CPNE4: variants seen among roughly 807,000 people sequenced by gnomAD.
The protein encoded by CPNE4 is copine-4.
Under a neutral mutation model 67.9 loss-of-function variants are expected in CPNE4, and 25 were observed. The observed-to-expected ratio is 0.37, with a 90% CI of 0.27 to 0.51. The LOEUF is 0.51. Among genes scored for constraint, CPNE4 ranks in the 20% least tolerant of loss-of-function variants. CPNE4 has a pLI of 0.93. For missense variants in CPNE4, 464 were observed against 690.8 expected (o/e 0.67, Z 3.68); for synonymous variants, 242 against 244.9 (o/e 0.99, Z 0.11).
intron 1 of CPNE4, among the ~76,000 whole-genome samples, chr3:131,948,157 C>T (rs1367464562): frequency 1.3e-5 from 2 of 152,000 alleles, no homozygotes; most frequent in African/African-American, 4.8e-5. Flanking sequence ...TATGATTTGG[C>T]TCTGTGTCCC....
chr3:131,679,765 G>T (rs9866585), intron 6 of CPNE4, among the ~76,000 whole-genome samples: 136,604 of 152,192 alleles, frequency 0.9, 61,436 homozygotes, highest in East Asian at 0.97. Flanking sequence ...TCTTGAGTTC[G>T]GATTTGATTG....
intron 5 of CPNE4, among the ~76,000 whole-genome samples, chr3:131,687,386 G>A (rs2080918372): frequency 6.6e-6 from 1 of 152,164 alleles, no homozygotes; most frequent in African/African-American, 2.4e-5. Context: ...TTTATTGAAT[G>A]AATGAATAAA....
chr3:131,708,357 G>A (rs1237189266), intron 3 of CPNE4, among the ~76,000 whole-genome samples: 1 of 152,198 alleles, frequency 6.6e-6, no homozygotes. Flanking sequence ...GGGCTGCTGA[G>A]TTTGAGATGT....
chr3:131,633,128 C>G (rs1484745659), intron 7 of CPNE4, among the ~76,000 whole-genome samples: 1 of 152,208 alleles, frequency 6.6e-6, no homozygotes, highest in Admixed American at 6.5e-5. Flanking sequence ...CACTCCACAT[C>G]AAATCTTTCA....
chr3:131,907,124 C>T (rs1583436403), intron 1 of CPNE4, among the ~76,000 whole-genome samples: 1 of 152,124 alleles, frequency 6.6e-6, no homozygotes, highest in Non-Finnish European at 1.5e-5. Context: ...CATGTGATAT[C>T]CTTTATAATA....
chr3:131,563,142 T>C (rs1936872754), intron 11 of CPNE4, among the ~76,000 whole-genome samples: 1 of 152,042 alleles, frequency 6.6e-6, no homozygotes, highest in Non-Finnish European at 1.5e-5. Flanking sequence ...GTGTGGAGGA[T>C]AACAGGTTTT....
At chr3:131,611,642 C>T (rs1939848225) in intron 7 of CPNE4, among the ~76,000 whole-genome samples, 1 of 150,696 alleles carries the variant, frequency 6.6e-6, no homozygotes, top group Non-Finnish European at 1.5e-5. Flanking sequence ...CTCCTTTCCT[C>T]TTGATCTAGA....
intron 1 of CPNE4, among the ~76,000 whole-genome samples, chr3:131,929,035 A>T (rs1465998632): frequency 1.3e-5 from 2 of 152,092 alleles, no homozygotes; most frequent in Admixed American, 1.3e-4. Context: ...TTTCTAGATC[A>T]AGGTCCCCTC....
At chr3:131,896,355 C>A (rs2088331924) in intron 2 of CPNE4, among the ~76,000 whole-genome samples, 1 of 152,000 alleles carries the variant, frequency 6.6e-6, no homozygotes, top group South Asian at 2.1e-4. Context: ...TCACAACAAA[C>A]ACAAATCCTA....
chr3:131,571,747 G>A (rs1276655441), intron 10 of CPNE4, among the ~76,000 whole-genome samples: 5 of 151,778 alleles, frequency 3.3e-5, no homozygotes, highest in Non-Finnish European at 4.4e-5. Flanking sequence ...TTTACTTGTC[G>A]AAAGCATGTG....
intron 1 of CPNE4, among the ~76,000 whole-genome samples, chr3:131,936,823 TAAC>T (rs1190397080): frequency 6.7e-6 from 1 of 149,426 alleles, no homozygotes; most frequent in Non-Finnish European, 1.5e-5. Flanking sequence ...GATCGAAAAA[TAAC>T]AAGAAGAAAA....
chr3:132,029,003 C>T (rs912861035), intron 1 of CPNE4, among the ~76,000 whole-genome samples: 1 of 151,430 alleles, frequency 6.6e-6, no homozygotes, highest in Non-Finnish European at 1.5e-5. Context: ...TATCTACGCA[C>T]TAAAATGCCA....
intron 1 of CPNE4, among the ~76,000 whole-genome samples, chr3:132,004,916 C>T (rs1039640388): frequency 6.6e-6 from 1 of 152,084 alleles, no homozygotes; most frequent in African/African-American, 2.4e-5. Flanking sequence ...ACCAACACCA[C>T]TAGAATAGAT....
At chr3:131,563,136 G>T (rs1936871302) in intron 11 of CPNE4, among the ~76,000 whole-genome samples, 4 of 151,964 alleles carry the variant, frequency 2.6e-5, no homozygotes, top group Admixed American at 1.3e-4. Flanking sequence ...CCCATGGTGT[G>T]GAGGATAACA....
At chr3:131,682,881 T>C (rs1055927964) in intron 6 of CPNE4, among the ~76,000 whole-genome samples, 7 of 151,984 alleles carry the variant, frequency 4.6e-5, no homozygotes, top group Non-Finnish European at 1.0e-4. Context: ...TCCCTCCCCT[T>C]TCCACAAGCA....
intron 1 of CPNE4, among the ~76,000 whole-genome samples, chr3:131,953,770 G>T (rs544087736): frequency 3.0e-4 from 46 of 152,330 alleles, no homozygotes; most frequent in Non-Finnish European, 4.8e-4. Flanking sequence ...GGGGTGAAGA[G>T]AGGTTGGTTA....
intron 10 of CPNE4, among the ~76,000 whole-genome samples, chr3:131,566,833 C>A (rs1244634018): frequency 1.3e-5 from 2 of 151,888 alleles, no homozygotes; most frequent in Non-Finnish European, 2.9e-5. Context: ...TAAAGCCACC[C>A]CTTTCTCTTC....
At chr3:131,839,790 T>C (rs2085702677) in intron 2 of CPNE4, among the ~76,000 whole-genome samples, 2 of 152,240 alleles carry the variant, frequency 1.3e-5, no homozygotes, top group South Asian at 4.1e-4. Context: ...TGGCACCTAG[T>C]TATTGTGTTG....
chr3:131,745,712 G>T (rs1176138290), intron 2 of CPNE4, among the ~76,000 whole-genome samples: 1 of 152,024 alleles, frequency 6.6e-6, no homozygotes, highest in South Asian at 2.1e-4. Flanking sequence ...AATTCTGTGG[G>T]TATATTTCTG....
Sources: gnomAD v4.1 joint callset for allele counts (sites outside exome capture counted in the v4.1 genomes callset) on GRCh38, gnomAD v4.1.1 for gene constraint, MANE v1.5 for transcripts, NCBI Gene and HGNC (gene_info 2026-07-23, HGNC 2026-07-21) for gene names.